The following CDH12 variants were observed in gnomAD, a reference collection of about 807,000 sequenced individuals.
The protein encoded by CDH12 is cadherin 12, also known as cadherin-12.
Under a neutral mutation model 74.1 loss-of-function variants are expected in CDH12, and 41 were observed. The ratio of observed to expected loss-of-function variants is 0.55; its 90% CI spans 0.43 to 0.72. The LOEUF (loss-of-function observed/expected upper bound fraction) is 0.72, where lower values mean the gene tolerates loss of function less well. Ranked by LOEUF, CDH12 falls within the 30% of genes least tolerant of loss-of-function variation. The pLI is 0.00. For missense variants in CDH12, 945 were observed against 977.2 expected (o/e 0.97, Z 0.44); for synonymous variants, 399 against 355.0 (o/e 1.12, Z -1.39).
chr5:22,427,892 A>G (rs1580638627), intron 2 of CDH12, among the ~76,000 whole-genome samples: 3 of 152,068 alleles, frequency 2.0e-5, no homozygotes, highest in Non-Finnish European at 4.4e-5. Flanking sequence ...CCCAAAAAAA[A>G]GTCATTTTGT....
At chr5:22,399,474 A>T (rs933269003) in intron 3 of CDH12, among the ~76,000 whole-genome samples, 1 of 152,182 alleles carries the variant, frequency 6.6e-6, no homozygotes, top group Admixed American at 6.6e-5. Flanking sequence ...TATAAGTATC[A>T]TTTTAAAGCT....
At chr5:22,204,393 C>A (rs558948301) in intron 4 of CDH12, among the ~76,000 whole-genome samples, 1 of 152,286 alleles carries the variant, frequency 6.6e-6, no homozygotes, top group South Asian at 2.1e-4. Flanking sequence ...GATCTCCTGA[C>A]CTCATGATCC....
intron 5 of CDH12, among the ~76,000 whole-genome samples, chr5:22,032,762 T>TTATATATG (rs139502272): frequency 0.32 from 46,057 of 145,262 alleles, 9,024 homozygotes; most frequent in African/African-American, 0.56. Context: ...TATATATATT[T>TTATATATG]TATATATGTA....
chr5:22,513,015 C>A (rs191275525), intron 1 of CDH12, among the ~76,000 whole-genome samples: 223 of 152,270 alleles, frequency 1.5e-3, no homozygotes, highest in African/African-American at 5.0e-3. Context: ...CCAGACTGGA[C>A]AACAGGGCGA....
intron 4 of CDH12, among the ~76,000 whole-genome samples, chr5:22,131,752 A>T (rs1023549141): frequency 2.0e-5 from 3 of 152,254 alleles, no homozygotes; most frequent in Middle Eastern, 6.8e-3. Flanking sequence ...CTAAGGAAGG[A>T]TACATTCATC....
At chr5:22,117,438 A>ATATATATATAATATATATAT (rs1561128424) in intron 4 of CDH12, among the ~76,000 whole-genome samples, 53 of 102,668 alleles carry the variant, frequency 5.2e-4, no homozygotes, top group Non-Finnish European at 6.3e-4. Flanking sequence ...TATATAAATT[A>ATATATATATAATATATATAT]TATATATATA....
intron 1 of CDH12, among the ~76,000 whole-genome samples, chr5:22,792,785 T>C (rs1428466383): frequency 6.6e-6 from 1 of 152,206 alleles, no homozygotes; most frequent in Non-Finnish European, 1.5e-5. Context: ...CAGTGTAATT[T>C]TACCAGCACA....
chr5:21,828,256 G>A (rs1039797130), intron 8 of CDH12, among the ~76,000 whole-genome samples: 10 of 151,830 alleles, frequency 6.6e-5, no homozygotes, highest in African/African-American at 2.4e-4. Context: ...CCAAGTAGCC[G>A]GGGCTACAGT....
At position 22,216,052 on chromosome 5, in the gene CDH12, G is replaced by A. The variant is rs184691642; in HGVS notation, c.-332-3409C>T. Among the ~76,000 whole-genome samples, 237 of 152,192 alleles carry A rather than the reference G, an allele frequency of 1.6e-3. 4 individuals carry two copies. The highest frequency in any genetic ancestry group is 5.6e-3 in the African/African-American group (232 of 41,572). The stretch of plus-strand genomic sequence containing the variant: ...AAAAAGAGCAAGTGATTGTCCTTTG[G>A]TGTTTGATAGTGGAAAACCTAATGT... On this transcript the variant is annotated intron_variant, in intron 3 of 14. Coordinates refer to ENST00000382254, the MANE Select transcript of CDH12 (RefSeq NM_004061.5).
At chr5:22,500,876 C>T (rs1036055722) in intron 2 of CDH12, among the ~76,000 whole-genome samples, 10 of 152,066 alleles carry the variant, frequency 6.6e-5, no homozygotes, top group Admixed American at 6.6e-4. Context: ...ATTGTTGTCC[C>T]ATAGACCATA....
intron 2 of CDH12, among the ~76,000 whole-genome samples, chr5:22,480,450 G>A (rs1030566208): frequency 2.0e-5 from 3 of 151,708 alleles, no homozygotes; most frequent in Admixed American, 6.6e-5. Flanking sequence ...CAGACATGGT[G>A]GTGCATGCCT....
rs911028337 is a variant in CDH12, at chr5:21,795,200, A to C, written c.1256+6967T>G. ...AGCTACAGGATCATAATCCATACAA[A>C]AATAAATGTGATTTTTTTTAAGATA... On this transcript the variant is annotated intron_variant, in intron 10 of 14. Coordinates refer to ENST00000382254, the MANE Select transcript of CDH12 (RefSeq NM_004061.5). Among the ~76,000 whole-genome samples the C allele has an allele frequency of 6.6e-5, 7 of 105,728 alleles. No individual in the cohort carries two copies. In the Admixed American group the frequency reaches 7.1e-4, roughly 11 times the overall value. The allele number at this position is 105,728 out of a possible 152,430, so 69.4% of individuals were successfully genotyped here. A position where few individuals can be genotyped will look rare whatever the true frequency, so the allele number is the denominator to read the frequency against.
chr5:22,331,000 C>A (rs1268606271), intron 3 of CDH12, among the ~76,000 whole-genome samples: 2 of 151,988 alleles, frequency 1.3e-5, no homozygotes, highest in Admixed American at 6.5e-5. Flanking sequence ...AGGTGAACAT[C>A]AGCGGTAGCC....
chr5:22,354,117 T>G (rs1010490380), intron 3 of CDH12, among the ~76,000 whole-genome samples: 1 of 152,006 alleles, frequency 6.6e-6, no homozygotes, highest in Non-Finnish European at 1.5e-5. Context: ...GAGTTCAGAG[T>G]TCAGAGAAGT....
chr5:22,344,185 T>A (rs1029215811), intron 3 of CDH12, among the ~76,000 whole-genome samples: 2 of 152,232 alleles, frequency 1.3e-5, no homozygotes, highest in African/African-American at 4.8e-5. Context: ...AGGTCTTTGA[T>A]GTCCAAAATA....
At chr5:22,413,028 C>T (rs1435617489) in intron 2 of CDH12, among the ~76,000 whole-genome samples, 2 of 151,972 alleles carry the variant, frequency 1.3e-5, no homozygotes, top group Non-Finnish European at 2.9e-5. Context: ...CTCTTTCATT[C>T]ACAATAACTC....
At chr5:22,262,086 T>C (rs1347036637) in intron 3 of CDH12, among the ~76,000 whole-genome samples, 3 of 152,072 alleles carry the variant, frequency 2.0e-5, no homozygotes, top group Non-Finnish European at 2.9e-5. Flanking sequence ...CATTGCATGG[T>C]TTTATAATAA....
intron 1 of CDH12, among the ~76,000 whole-genome samples, chr5:22,532,916 G>C (rs969373214): frequency 5.3e-5 from 8 of 151,616 alleles, no homozygotes; most frequent in Middle Eastern, 3.4e-3. Context: ...AATAATAAAA[G>C]CATAAAGGAT....
At chr5:22,647,694 C>T (rs1278114263) in intron 1 of CDH12, among the ~76,000 whole-genome samples, 2 of 151,832 alleles carry the variant, frequency 1.3e-5, no homozygotes, top group Non-Finnish European at 2.9e-5. Flanking sequence ...AATATAGTCA[C>T]ACTAGAGCTT....
Sources: allele counts gnomAD v4.1 joint callset (sites outside exome capture counted in the v4.1 genomes callset), GRCh38; gene constraint gnomAD v4.1.1; transcripts MANE v1.5; gene names NCBI Gene and HGNC (gene_info 2026-07-23, HGNC 2026-07-21).